The following MGA variants were observed in gnomAD, a reference collection of about 807,000 sequenced individuals.
The protein encoded by MGA is MAX gene-associated protein.
A neutral mutation model predicts 261.1 loss-of-function variants in MGA; 40 were observed. The observed-to-expected ratio is 0.15, with a 90% CI of 0.12 to 0.20. The LOEUF is 0.20. Ranked by LOEUF, MGA falls within the 10% of genes least tolerant of loss-of-function variation. The pLI is 1.00. For synonymous variants in MGA, 1,302 were observed against 1,290.6 expected, an observed-to-expected ratio of 1.01 and a Z score of -0.19; for missense variants, 3,397 against 3,630.5, an observed-to-expected ratio of 0.94 and a Z score of 1.65.
At chr15:41,703,374 C>CA (rs1555419100) in intron 5 of MGA, among the ~76,000 whole-genome samples, 5 of 138,540 alleles carry the variant, frequency 3.6e-5, no homozygotes, top group Non-Finnish European at 6.4e-5. Context: ...AGTTACCCCC[C>CA]CCCCCACTCC....
rs778820093 is a variant in MGA at position 41,749,967 on chromosome 15, T to C, written c.6360T>C (p.Phe2120=). ...TGAAGGTGGAACAGCAGAAAGGATT[T>C]GACAATCCAGAAGAAAACTCAAGTG... Residue 2120 remains phenylalanine, a synonymous_variant, in exon 17 of 24, where the codon TTT becomes TTC. Coordinates refer to ENST00000219905, the MANE Select transcript of MGA (RefSeq NM_001164273.2). 2.5e-6 allele frequency: 4 copies of C among 1,612,978 alleles called. No homozygotes were observed. The highest frequency in any genetic ancestry group is 2.5e-6 in the Non-Finnish European group (3 of 1,179,628).
chr15:41,757,826 A>G lies in MGA; in HGVS notation c.7178A>G (p.Glu2393Gly). Residue 2393 changes from glutamate (E) to glycine (G), a missense_variant, in exon 19 of 24, where the codon GAA becomes GGA. Glu to Gly is a moderately conservative substitution (Grantham distance 98). This residue lies in a region of MGA where 1,410 missense variants were observed against 1,386.4 expected (regional missense o/e 1.02). Transcript: ENST00000219905. ...ATCTCTGCAGATGAAAAAGCAGCTG[A>G]AAGGAGTCGAAAGGTATTTAGGATA... 1 of 1,606,250 alleles carries G rather than the reference A, an allele frequency of 6.2e-7. No homozygotes were observed. Among genetic ancestry groups the G allele is most frequent in the Non-Finnish European group, 8.5e-7 (1 of 1,173,444 alleles).
Position 41,690,325 on chromosome 15 carries a change from T to A in MGA, c.1065-5750T>A, listed in dbSNP as rs544622455. Among the ~76,000 whole-genome samples the A allele has an allele frequency of 6.4e-4, 98 of 152,366 alleles. No homozygotes were observed. The South Asian group carries it at 0.014, about 23-fold the overall frequency. ...TGTGTGGACATTACCACATTTTTTT[T>A]ATTCATCAGTTGGACAGTAAGGTTT... On this transcript the variant is annotated intron_variant, in intron 2 of 23. Coordinates refer to ENST00000219905, the MANE Select transcript of MGA (RefSeq NM_001164273.2).
At position 41,742,972 on chromosome 15, in the gene MGA, C is replaced by T; in HGVS notation, c.5012C>T (p.Ala1671Val). Reference sequence around the variant, plus strand: ...ACCACTGGGATAACTACCCCTGTGGCTTCAGTTGCTTTTCCTAAGTCTTTG... The same window carrying T: ...ACCACTGGGATAACTACCCCTGTGGTTTCAGTTGCTTTTCCTAAGTCTTTG... Residue 1671 changes from alanine (A) to valine (V), a missense_variant, in exon 15 of 24, where the codon GCT (alanine) becomes GTT (valine). Transcript: ENST00000219905. 6.2e-7 allele frequency: 1 copy of T among 1,613,972 alleles called. No homozygotes were observed. Among genetic ancestry groups the T allele is most frequent in the Non-Finnish European group, 8.5e-7 (1 of 1,179,874 alleles).
chr15:41,715,940 C>T (rs562974203), intron 9 of MGA, among the ~76,000 whole-genome samples: 10 of 152,252 alleles, frequency 6.6e-5, no homozygotes, highest in Non-Finnish European at 1.2e-4. Context: ...TACGGAAGCC[C>T]ACATAAGCAG....
intron 2 of MGA, among the ~76,000 whole-genome samples, chr15:41,690,058 A>G (rs2059192122): frequency 6.6e-6 from 1 of 152,190 alleles, no homozygotes; most frequent in Non-Finnish European, 1.5e-5. Context: ...AGCACCCCAG[A>G]AAGAAAACCC....
At chr15:41,672,520 T>C (rs2058115987) in intron 2 of MGA, among the ~76,000 whole-genome samples, 1 of 152,228 alleles carries the variant, frequency 6.6e-6, no homozygotes, top group Admixed American at 6.5e-5. Context: ...TTGATTTTAA[T>C]GGATCAAGAG....
In MGA at chr15:41,669,166, G is replaced by A; in HGVS notation, c.272G>A (p.Arg91Gln). ...AGTATGTGGAATGAGTTCTATCATC[G>A]AAGCACAGAGATGATTCTGACCAAG... is the stretch of plus-strand genomic sequence containing the variant. Residue 91 changes from arginine to glutamine, a missense_variant, in exon 2 of 24, where the codon CGA (arginine) becomes CAA (glutamine). Physicochemically the swap from Arg to Gln is conservative, Grantham distance 43. This residue lies in a region of MGA where 104 missense variants were observed against 212.9 expected (regional missense o/e 0.49). Transcript: ENST00000219905. 1 of 1,613,972 alleles carries A rather than the reference G, an allele frequency of 6.2e-7. No homozygotes were observed.
intron 2 of MGA, among the ~76,000 whole-genome samples, chr15:41,670,758 G>A (rs1380780652): frequency 6.6e-6 from 1 of 152,088 alleles, no homozygotes; most frequent in African/African-American, 2.4e-5. Flanking sequence ...TGCCCGCCTC[G>A]GCCTCCCAAG....
At chr15:41,683,927 T>A (rs745765423) in intron 2 of MGA, among the ~76,000 whole-genome samples, 4 of 151,922 alleles carry the variant, frequency 2.6e-5, no homozygotes, top group Non-Finnish European at 5.9e-5. Context: ...TTAAAAAAAA[T>A]TATTTTTATT....
intron 8 of MGA, 112 bp from the exon 9 acceptor site, chr15:41,713,039 G>A: frequency 2.1e-6 from 3 of 1,434,226 alleles, no homozygotes; most frequent in Non-Finnish European, 2.8e-6. Flanking sequence ...CATTAGTCCT[G>A]TGCTGTTAGT....
chr15:41,636,382 C>A (rs2056707062), intron 1 of MGA, among the ~76,000 whole-genome samples: 1 of 151,458 alleles, frequency 6.6e-6, no homozygotes. Flanking sequence ...AACCCCCGCC[C>A]CCCAGGTTCA....
chr15:41,727,053 T>A, intron 9 of MGA, 127 bp from the exon 10 acceptor site: 2 of 621,582 alleles, frequency 3.2e-6, no homozygotes, highest in South Asian at 2.4e-5. Flanking sequence ...GGGGAGGGGG[T>A]CGTCTATTTG....
intron 6 of MGA, 86 bp downstream of exon 6, chr15:41,707,945 G>A (rs1428142400): frequency 6.7e-7 from 1 of 1,491,824 alleles, no homozygotes; most frequent in Non-Finnish European, 9.1e-7. Context: ...TACCTTTATT[G>A]GTGACATTTA....
At chr15:41,679,537 A>G (rs797016918) in intron 2 of MGA, among the ~76,000 whole-genome samples, 6 of 151,994 alleles carry the variant, frequency 3.9e-5, no homozygotes, top group African/African-American at 1.4e-4. Context: ...ATTCCTAAGT[A>G]TTTTATTCTT....
At chr15:41,722,452 G>A (rs143899018) in intron 9 of MGA, among the ~76,000 whole-genome samples, 2 of 152,156 alleles carry the variant, frequency 1.3e-5, no homozygotes, top group South Asian at 4.1e-4. Flanking sequence ...ATTAAGGTAT[G>A]ATATTTAGGT....
At chr15:41,734,261 T>C (rs1222064009) in intron 11 of MGA, among the ~76,000 whole-genome samples, 1 of 152,000 alleles carries the variant, frequency 6.6e-6, no homozygotes, top group Non-Finnish European at 1.5e-5. Context: ...ACAGTAAATA[T>C]GTTTCCCTCT....
chr15:41,650,792 A>G (rs1380906205), intron 1 of MGA, among the ~76,000 whole-genome samples: 9 of 152,154 alleles, frequency 5.9e-5, no homozygotes, highest in African/African-American at 2.2e-4. Context: ...CAGAGTAGGG[A>G]TCTAAATGTT....
intron 1 of MGA, among the ~76,000 whole-genome samples, chr15:41,633,716 C>T (rs2056641446): frequency 6.6e-6 from 1 of 152,110 alleles, no homozygotes. Flanking sequence ...AGCCACTGTG[C>T]CCGGCCTGTG....
Sources: allele counts gnomAD v4.1 joint callset (sites outside exome capture counted in the v4.1 genomes callset), GRCh38; gene constraint gnomAD v4.1.1; regional missense constraint gnomAD v4.1.1; transcripts MANE v1.5; gene names NCBI Gene and HGNC (gene_info 2026-07-23, HGNC 2026-07-21).